Variants in KCTD2 observed in about 807,000 individuals in gnomAD.
The protein encoded by KCTD2 is potassium channel tetramerization domain containing 2, also known as BTB/POZ domain-containing protein KCTD2.
Under a neutral mutation model 27.9 loss-of-function variants are expected in KCTD2, and 18 were observed. The observed-to-expected ratio is 0.64, with a 90% CI of 0.45 to 0.96. KCTD2 has a LOEUF of 0.96. Ranked by LOEUF, KCTD2 falls within the 40% of genes least tolerant of loss-of-function variation. The pLI is 0.00. For synonymous variants in KCTD2, 175 were observed against 148.4 expected, an observed-to-expected ratio of 1.18 and a Z score of -1.30; for missense variants, 280 against 348.0, an observed-to-expected ratio of 0.80 and a Z score of 1.56.
rs1466279440 is a variant in KCTD2 at position 75,064,509 on chromosome 17, T to A, written c.*1462T>A. On this transcript the variant is annotated 3_prime_UTR_variant, in exon 6 of 6. Coordinates refer to ENST00000322444, the MANE Select transcript of KCTD2 (RefSeq NM_015353.3). ...ACGTCTGGGTAGTAGTTTCTGGAAA[T>A]GACTGCAGACTGTGCCAAATGTCTT... 20 of 152,366 alleles carry A rather than the reference T, an allele frequency of 1.3e-4. No homozygotes were observed. The highest frequency in any genetic ancestry group is 1.5e-5 in the Non-Finnish European group (1 of 68,068). 9.4% of individuals were successfully genotyped at this position (152,366 alleles called of 1,614,324 possible).
At chr17:75,056,723 T>C (rs1320453366) in intron 3 of KCTD2, among the ~76,000 whole-genome samples, 1 of 152,196 alleles carries the variant, frequency 6.6e-6, no homozygotes, top group East Asian at 1.9e-4. Flanking sequence ...AAGATGAAGT[T>C]GGCTGTGTGT....
chr17:75,060,866 C>T (rs912273202), intron 4 of KCTD2, among the ~76,000 whole-genome samples: 2 of 152,226 alleles, frequency 1.3e-5, no homozygotes, highest in Non-Finnish European at 2.9e-5. Context: ...TCTCACAGAT[C>T]AAGTGCAAAG....
At chr17:75,057,754 T>A (rs2073364082) in intron 3 of KCTD2, among the ~76,000 whole-genome samples, 1 of 151,554 alleles carries the variant, frequency 6.6e-6, no homozygotes, top group African/African-American at 2.4e-5. Flanking sequence ...AGAGATGGGG[T>A]TTCACCATGT....
At position 75,064,651 on chromosome 17, in the gene KCTD2, G is replaced by C. The variant is rs2073439077; in HGVS notation, c.*1604G>C. ...AACCCGGTATACAGGGGTTTCTGCT[G>C]ACACATCAACGTCTACACACCTATG... On this transcript the variant is annotated 3_prime_UTR_variant, in exon 6 of 6. Transcript: ENST00000322444. The C allele has an allele frequency of 6.6e-6, 1 of 152,152 alleles. No homozygotes were observed. Among genetic ancestry groups the C allele is most frequent in the Non-Finnish European group, 1.5e-5 (1 of 68,042 alleles). The allele number at this position is 152,152 out of a possible 1,614,324, so 9.4% of individuals were successfully genotyped here.
intron 3 of KCTD2, among the ~76,000 whole-genome samples, chr17:75,055,785 T>TCA (rs1000841947): frequency 6.7e-6 from 1 of 150,244 alleles, no homozygotes; most frequent in African/African-American, 2.5e-5. Context: ...TGAGCCGAGA[T>TCA]CACGCCATTG....
At chr17:75,040,490 G>A (rs1375063010) in intron 3 of KCTD2, 1 of 342,818 alleles carries the variant, frequency 2.9e-6, no homozygotes, top group East Asian at 6.4e-5. Flanking sequence ...TGGCCTCTTA[G>A]CACCTTGAAT....
chr17:75,056,704 T>C (rs1171745190), intron 3 of KCTD2, among the ~76,000 whole-genome samples: 1 of 152,202 alleles, frequency 6.6e-6, no homozygotes, highest in Non-Finnish European at 1.5e-5. Context: ...ACTTGTTGTA[T>C]GTGGCTCTAA....
At chr17:75,054,426 T>C (rs908402144) in intron 3 of KCTD2, among the ~76,000 whole-genome samples, 14 of 152,118 alleles carry the variant, frequency 9.2e-5, no homozygotes, top group South Asian at 4.1e-4. Flanking sequence ...CCATTCGTCA[T>C]ATGTTTGTCG....
chr17:75,042,248 G>C (rs1353972491), upstream of KCTD2: 1 of 1,614,074 alleles, frequency 6.2e-7, no homozygotes, highest in African/African-American at 1.3e-5. Context: ...CCAGTCGATA[G>C]CTGGTGGATT....
At chr17:75,042,318 C>T, upstream of KCTD2, 1 of 1,599,032 alleles carries the variant, frequency 6.3e-7, no homozygotes, top group Non-Finnish European at 8.6e-7. Flanking sequence ...TGTTCATAAG[C>T]AGTAGAAAAT....
In KCTD2 at chr17:75,049,313, G is replaced by A. The variant is rs1333303960; in HGVS notation, c.433G>A (p.Glu145Lys). 6 of 1,607,530 alleles carry A rather than the reference G, an allele frequency of 3.7e-6. No individual in the cohort carries two copies. Among genetic ancestry groups the A allele is most frequent in the South Asian group, 1.1e-5 (1 of 90,898 alleles). ...CCACGGGAAACTCATCATCACTAAG[G>A]AGTTGGCAGAAGAAGGTAAGCGCAC... ...LRHGKLIITK[E>K]LAEEGVLEEA... The change falls in exon 2 of 6, where the codon GAG becomes AAG. Residue 145 changes from glutamate to lysine, a missense_variant. Physicochemically the swap from Glu to Lys is moderately conservative, Grantham distance 56 (BLOSUM62 1). Transcript: ENST00000322444.
At position 75,047,437 on chromosome 17, in the gene KCTD2, G is replaced by T; in HGVS notation, c.187G>T (p.Glu63Ter). The T allele has an allele frequency of 6.8e-7, 1 of 1,461,704 alleles. No individual in the cohort carries two copies. Among genetic ancestry groups the T allele is most frequent in the Non-Finnish European group, 9.1e-7 (1 of 1,102,598 alleles). The allele number at this position is 1,461,704 out of a possible 1,614,324, so 90.5% of individuals were successfully genotyped here. A position where few individuals can be genotyped will look rare whatever the true frequency, so the allele number is the denominator to read the frequency against. The change falls in exon 1 of 6, where the codon GAG becomes TAG. Residue 63 changes from glutamate to a stop codon, truncating the protein, a stop_gained. Coordinates refer to ENST00000322444, the MANE Select transcript of KCTD2 (RefSeq NM_015353.3). LOFTEE classifies it high-confidence loss of function. ...QPLEPGPGPP[E>*]RAGGGGAARW... ...GCTGGAGCCGGGTCCCGGACCACCC[G>T]AGCGGGCAGGGGGCGGCGGCGCGGC...
intron 4 of KCTD2, chr17:75,060,703 G>A (rs145356520): frequency 3.1e-5 from 32 of 1,037,548 alleles, no homozygotes; most frequent in South Asian, 8.5e-5. Flanking sequence ...GGTCTCGGTC[G>A]CCGCCACTCG....
chr17:75,060,845 T>C (rs1429012049), intron 4 of KCTD2, among the ~76,000 whole-genome samples: 2 of 152,236 alleles, frequency 1.3e-5, no homozygotes, highest in Admixed American at 6.5e-5. Context: ...CACTTTGCAT[T>C]AATGCTGTTA....
At chr17:75,043,092 C>T (rs557203025), upstream of KCTD2, among the ~76,000 whole-genome samples, 4 of 150,858 alleles carry the variant, frequency 2.7e-5, no homozygotes, top group Admixed American at 2.0e-4. Flanking sequence ...CGTGGTGGCC[C>T]GCGCCATAAT....
intron 1 of KCTD2, 142 bp downstream of exon 1, chr17:75,047,731 T>C: frequency 1.3e-6 from 1 of 745,276 alleles, no homozygotes; most frequent in Non-Finnish European, 2.1e-6. Flanking sequence ...CCCACACTAC[T>C]CGCAGGGGCC....
chr17:75,035,161 G>A (rs559836167), intron 2 of KCTD2: 3 of 152,246 alleles, frequency 2.0e-5, no homozygotes, highest in East Asian at 2.0e-4. Flanking sequence ...TCAGAAGATT[G>A]AGGGTTCGAG....
intron 1 of KCTD2, among the ~76,000 whole-genome samples, chr17:75,033,579 T>C (rs1245280854): frequency 6.6e-6 from 1 of 152,208 alleles, no homozygotes; most frequent in Non-Finnish European, 1.5e-5. Context: ...ATCAGTTCTG[T>C]AGAGGCGGAC....
At chr17:75,036,951 A>G (rs1361812863) in intron 3 of KCTD2, among the ~76,000 whole-genome samples, 1 of 151,916 alleles carries the variant, frequency 6.6e-6, no homozygotes, top group African/African-American at 2.4e-5. Flanking sequence ...TACTCCTACC[A>G]ATCAGGAGCC....
Sources: gnomAD v4.1 joint callset for allele counts (sites outside exome capture counted in the v4.1 genomes callset) on GRCh38, gnomAD v4.1.1 for gene constraint, MANE v1.5 for transcripts, NCBI Gene and HGNC (gene_info 2026-07-23, HGNC 2026-07-21) for gene names.